ZNF488: variants seen among roughly 807,000 people sequenced by gnomAD.
ZNF488 encodes zinc finger protein 488.
ZNF488 carries 1 observed loss-of-function variant against 1.2 expected under a neutral mutation model. That is an observed-to-expected ratio of 0.86 (90% CI 0.30 to 4.07). The LOEUF is 4.07. Among genes scored for constraint, ZNF488 ranks in the 30% most tolerant of loss-of-function variants. The pLI is 0.18. For synonymous variants in ZNF488, 185 were observed against 190.1 expected (o/e 0.97, Z 0.22); for missense variants, 450 against 437.9 (o/e 1.03, Z -0.25).
intron 1 of ZNF488, 120 bp from the exon 2 acceptor site, chr10:47,369,057 G>T (rs1243669227): frequency 1.8e-6 from 1 of 558,804 alleles, no homozygotes; most frequent in Non-Finnish European, 3.1e-6. Flanking sequence ...CTGTGGGATG[G>T]GTGTGCTGAC....
chr10:47,370,434 G>T (rs1376188473), intron 1 of ZNF488, among the ~76,000 whole-genome samples: 1 of 152,226 alleles, frequency 6.6e-6, no homozygotes, highest in African/African-American at 2.4e-5. Flanking sequence ...CCTGTATTCT[G>T]AGAGCTCTCT....
chr10:47,366,848 A>T lies in ZNF488; in HGVS notation c.*959T>A, dbSNP rs1211252345. ...GAGGGGGTTCTATTTCCCCGTATTC[A>T]TATACTCACAATGTGAAGAACTATG... On this transcript the variant is annotated 3_prime_UTR_variant, in exon 2 of 2. Transcript: ENST00000585316. The T allele has an allele frequency of 1.8e-5, 3 of 167,070 alleles. No individual in the cohort carries two copies. The highest frequency in any genetic ancestry group is 4.4e-5 in the Non-Finnish European group (3 of 68,126). The allele number at this position is 167,070 out of a possible 1,614,324, so 10.3% of individuals were successfully genotyped here. A position where few individuals can be genotyped will look rare whatever the true frequency, so the allele number is the denominator to read the frequency against.
At position 47,368,225 on chromosome 10, in the gene ZNF488, G is replaced by A. The variant is rs782068074; in HGVS notation, c.605C>T (p.Ala202Val). 7.4e-6 allele frequency: 12 copies of A among 1,614,212 alleles called. No individual in the cohort carries two copies. Among genetic ancestry groups the A allele is most frequent in the East Asian group, 4.5e-5 (2 of 44,868 alleles). ...LSGLLNTTDL[A>V]CWGRLSTPKL... ...GGGAGTTGAAAGTCGACCCCAACAAGCGAGGTCTGTAGTGTTGAGGAGTCC... is the reference window on the plus strand; with the variant it reads ...GGGAGTTGAAAGTCGACCCCAACAAACGAGGTCTGTAGTGTTGAGGAGTCC... The change falls in exon 2 of 2, where the codon GCT becomes GTT. Residue 202 changes from alanine (A) to valine (V), a missense_variant. Physicochemically the swap from Ala to Val is moderately conservative, Grantham distance 64. Coordinates refer to ENST00000585316, the MANE Select transcript of ZNF488 (RefSeq NM_153034.4).
rs1837314522 is a variant in ZNF488, at chr10:47,368,383, A to G, written c.447T>C (p.Ser149=). 2.5e-6 allele frequency: 4 copies of G among 1,614,024 alleles called. No individual in the cohort carries two copies. Among genetic ancestry groups the G allele is most frequent in the Non-Finnish European group, 3.4e-6 (4 of 1,180,042 alleles). Reference sequence around the variant, plus strand: ...CACTTCGTGCTCCGCTGGGCCACACAGAGAAGACTTTGCTGCCAGCTGGGC... The same window carrying G: ...CACTTCGTGCTCCGCTGGGCCACACGGAGAAGACTTTGCTGCCAGCTGGGC... ...PRGPAGSKVF[S]VWPSGARSEQ... Residue 149 remains serine (S), a synonymous_variant, in exon 2 of 2, where the codon TCT becomes TCC. Coordinates refer to ENST00000585316, the MANE Select transcript of ZNF488 (RefSeq NM_153034.4).
At chr10:47,375,806 C>T (rs1837656553) in intron 1 of ZNF488, among the ~76,000 whole-genome samples, 1 of 152,176 alleles carries the variant, frequency 6.6e-6, no homozygotes, top group Admixed American at 6.5e-5. Context: ...AGCATGTACC[C>T]CATATACTTT....
intron 1 of ZNF488, among the ~76,000 whole-genome samples, chr10:47,370,780 A>C (rs533556537): frequency 1.3e-5 from 2 of 152,354 alleles, no homozygotes; most frequent in African/African-American, 4.8e-5. Context: ...AAGGACAAAA[A>C]GATTATAGAT....
intron 1 of ZNF488, among the ~76,000 whole-genome samples, chr10:47,371,437 TTAC>T (rs1837461561): frequency 6.6e-6 from 1 of 152,120 alleles, no homozygotes; most frequent in Non-Finnish European, 1.5e-5. Flanking sequence ...AAAATAATTT[TTAC>T]TATGTACATA....
rs1410616965 is a variant in ZNF488, at chr10:47,368,553, T to A, written c.277A>T (p.Thr93Ser). ...GCGCTCTGCCTCTGCTCTCCACGTG[T>A]CTTCGGGGGCAGCGGCTTGCCAGGT... ...PRPGKPLPPK[T>S]RGEQRQSAFT... Residue 93 changes from threonine (T) to serine (S), a missense_variant, in exon 2 of 2, where the codon ACA (threonine) becomes TCA (serine). Thr to Ser is a moderately conservative substitution (Grantham distance 58, BLOSUM62 1). Coordinates refer to ENST00000585316, the MANE Select transcript of ZNF488 (RefSeq NM_153034.4). The A allele has an allele frequency of 1.9e-6, 3 of 1,613,304 alleles. No homozygotes were observed. Among genetic ancestry groups the A allele is most frequent in the Non-Finnish European group, 2.5e-6 (3 of 1,179,960 alleles).
intron 1 of ZNF488, among the ~76,000 whole-genome samples, chr10:47,374,787 A>G (rs1837614912): frequency 6.6e-6 from 1 of 152,206 alleles, no homozygotes; most frequent in Non-Finnish European, 1.5e-5. Context: ...CGTGAGTGAC[A>G]GATATCACCT....
At chr10:47,369,360 A>G (rs947748904) in intron 1 of ZNF488, among the ~76,000 whole-genome samples, 1 of 152,182 alleles carries the variant, frequency 6.6e-6, no homozygotes, top group Non-Finnish European at 1.5e-5. Flanking sequence ...AGACTCCATC[A>G]TGAGGAAGCC....
In ZNF488 at chr10:47,366,265, G is replaced by C. The variant is rs1034523595; in HGVS notation, c.*1542C>G. On this transcript the variant is annotated 3_prime_UTR_variant, in exon 2 of 2. Coordinates refer to ENST00000585316, the MANE Select transcript of ZNF488 (RefSeq NM_153034.4). Reference sequence around the variant, plus strand: ...AGCCACAGGGTTGGAGGCATCATCTGAGTTACACTTTCAGAAGATTATCTG... The same window carrying C: ...AGCCACAGGGTTGGAGGCATCATCTCAGTTACACTTTCAGAAGATTATCTG... 6 of 167,294 alleles carry C rather than the reference G, an allele frequency of 3.6e-5. No individual in the cohort carries two copies. Among genetic ancestry groups the C allele is most frequent in the African/African-American group, 1.4e-4 (6 of 41,476 alleles). 10.4% of individuals were successfully genotyped at this position (167,294 alleles called of 1,614,324 possible). A position where few individuals can be genotyped will look rare whatever the true frequency, so the allele number is the denominator to read the frequency against.
At position 47,368,697 on chromosome 10, in the gene ZNF488, A is replaced by G. The variant is rs771854712; in HGVS notation, c.133T>C (p.Cys45Arg). ...GTCTTCTCGAGCAGCACTGGCTTGC[A>G]GCCCCGGCCCAGCTCAGGTTCGCTA... ...RLSEPELGRG[C>R]KPVLLEKTNR... Residue 45 changes from cysteine to arginine, a missense_variant, in exon 2 of 2, where the codon TGC becomes CGC. By Grantham distance (180) the Cys-to-Arg change is radical. Coordinates refer to ENST00000585316, the MANE Select transcript of ZNF488 (RefSeq NM_153034.4). The G allele has an allele frequency of 6.0e-5, 97 of 1,612,698 alleles. No homozygotes were observed. Among genetic ancestry groups the G allele is most frequent in the Non-Finnish European group, 7.8e-5 (92 of 1,180,038 alleles).
rs547062492 is a variant in ZNF488 at position 47,368,702 on chromosome 10, C to A, written c.128G>T (p.Arg43Leu). The A allele has an allele frequency of 1.1e-5, 18 of 1,612,754 alleles. No homozygotes were observed. In the Admixed American group the frequency reaches 2.7e-4, roughly 24 times the overall value. Residue 43 changes from arginine to leucine, a missense_variant, in exon 2 of 2, where the codon CGG becomes CTG. Transcript: ENST00000585316. Reference sequence around the variant, plus strand: ...CTCGAGCAGCACTGGCTTGCAGCCCCGGCCCAGCTCAGGTTCGCTAAGTCG... The same window carrying A: ...CTCGAGCAGCACTGGCTTGCAGCCCAGGCCCAGCTCAGGTTCGCTAAGTCG... ...RWRLSEPELG[R>L]GCKPVLLEKT...
At chr10:47,368,995 C>T (rs1310137416) in intron 1 of ZNF488, 58 bp from the exon 2 acceptor site, 6 of 769,556 alleles carry the variant, frequency 7.8e-6, no homozygotes, top group Non-Finnish European at 1.2e-5. Context: ...AGGCACAGTG[C>T]ATCATGAGCT....
chr10:47,368,753 A>G lies in ZNF488; in HGVS notation c.77T>C (p.Leu26Ser), dbSNP rs1555213429. The G allele has an allele frequency of 6.2e-7, 1 of 1,613,162 alleles. No individual in the cohort carries two copies. The highest frequency in any genetic ancestry group is 8.5e-7 in the Non-Finnish European group (1 of 1,179,932). The change falls in exon 2 of 2, where the codon TTG becomes TCG. Residue 26 changes from leucine (L) to serine (S), a missense_variant. Physicochemically the swap from Leu to Ser is moderately radical, Grantham distance 145. Coordinates refer to ENST00000585316, the MANE Select transcript of ZNF488 (RefSeq NM_153034.4). ...ITMAAGKGAP[L>S]SPSAENRWRL... is the part of the protein sequence containing the mutation. The stretch of plus-strand genomic sequence containing the variant: ...CCATCTGTTTTCAGCCGATGGGCTC[A>G]ACGGGGCTCCCTTCCCAGCTGCCAT...
At chr10:47,381,357 C>G in intron 1 of ZNF488, among the ~76,000 whole-genome samples, 1 of 152,400 alleles carries the variant, frequency 6.6e-6, no homozygotes, top group Non-Finnish European at 1.5e-5. Flanking sequence ...CAGAAGCTTC[C>G]CAGACCCTTT....
chr10:47,369,901 C>T lies in ZNF488; in HGVS notation c.-108-964G>A, dbSNP rs191647640. On this transcript the variant is annotated intron_variant, in intron 1 of 1. Transcript: ENST00000585316. ...CTGCTAGAAGGCAAACTCTAAGAACCCAAATATGTCAATTCACCTTCACAT... is the reference window on the plus strand; with the variant it reads ...CTGCTAGAAGGCAAACTCTAAGAACTCAAATATGTCAATTCACCTTCACAT... 7.9e-5 allele frequency among the ~76,000 whole-genome samples: 12 copies of T among 152,312 alleles called. No individual in the cohort carries two copies. In the East Asian group the frequency reaches 1.7e-3, roughly 22 times the overall value.
chr10:47,367,874 C>T lies in ZNF488; in HGVS notation c.956G>A (p.Cys319Tyr). 1 of 1,613,946 alleles carries T rather than the reference C, an allele frequency of 6.2e-7. No individual in the cohort carries two copies. The highest frequency in any genetic ancestry group is 8.5e-7 in the Non-Finnish European group (1 of 1,180,040). Residue 319 changes from cysteine to tyrosine, a missense_variant, in exon 2 of 2, where the codon TGC becomes TAC. Physicochemically the swap from Cys to Tyr is radical, Grantham distance 194. Transcript: ENST00000585316. ...CCGGAAGTGCTCCTGGCACACAGGG[C>T]AGGCAAGGGCCTCTTCTCTCCGCTT... ...SQKRREEALA[C>Y]PVCQEHFRER...
chr10:47,370,300 G>T (rs1555213686), intron 1 of ZNF488, among the ~76,000 whole-genome samples: 2 of 152,230 alleles, frequency 1.3e-5, no homozygotes, highest in African/African-American at 4.8e-5. Context: ...TTCCAACTCT[G>T]ATGTAAAATC....
Sources: allele counts gnomAD v4.1 joint callset (sites outside exome capture counted in the v4.1 genomes callset), GRCh38; gene constraint gnomAD v4.1.1; transcripts MANE v1.5; gene names NCBI Gene and HGNC (gene_info 2026-07-23, HGNC 2026-07-21).